Variants in SOX5 observed in about 807,000 individuals in gnomAD.
SOX5 encodes the protein SRY-box transcription factor 5.
In SOX5, 9 loss-of-function variants were observed where a neutral mutation model predicts 92.0. That is an observed-to-expected ratio of 0.10 (90% CI 0.06 to 0.17). SOX5 has a LOEUF of 0.17. SOX5 is among the 10% of genes least tolerant of loss of function. The probability of loss-of-function intolerance (pLI) is 1.00; values close to 1 mark genes in which losing one functional copy is unlikely to be tolerated. For missense variants in SOX5, 642 were observed against 944.5 expected (o/e 0.68, Z 4.20); for synonymous variants, 344 against 336.3 (o/e 1.02, Z -0.25).
Position 24,522,337 on chromosome 12 carries a change from A to G in SOX5, c.-251+39992T>C, listed in dbSNP as rs1950334362. On this transcript the variant is annotated intron_variant, in intron 1 of 4. Coordinates refer to the SOX5 transcript ENST00000446891. ...GGTTTCACTGGTGAATTTAAAGGAC[A>G]TTTAAAGAAAAATTAATGCCAAGCC... is the stretch of plus-strand genomic sequence containing the variant. Among the ~76,000 whole-genome samples the G allele has an allele frequency of 2.0e-5, 3 of 151,912 alleles. No homozygotes were observed. In the South Asian group the frequency reaches 6.2e-4, roughly 31 times the overall value.
At chr12:23,797,049 A>C (rs1391765155) in intron 3 of SOX5, among the ~76,000 whole-genome samples, 1 of 151,562 alleles carries the variant, frequency 6.6e-6, no homozygotes, top group African/African-American at 2.4e-5. Flanking sequence ...TCCATCTCCA[A>C]CGTAAAATCT....
intron 4 of SOX5, among the ~76,000 whole-genome samples, chr12:23,983,786 T>G (rs1949814792): frequency 1.3e-5 from 2 of 152,212 alleles, no homozygotes; most frequent in South Asian, 4.1e-4. Context: ...AATTGTGTCC[T>G]AATTTATTAT....
At chr12:24,422,789 T>C (rs371557803) in intron 1 of SOX5, among the ~76,000 whole-genome samples, 5 of 152,326 alleles carry the variant, frequency 3.3e-5, no homozygotes, top group South Asian at 2.1e-4. Flanking sequence ...GGAGGGAAGA[T>C]TGCTTGAGCT....
At chr12:23,719,996 C>T (rs1195439843) in intron 6 of SOX5, among the ~76,000 whole-genome samples, 1 of 151,918 alleles carries the variant, frequency 6.6e-6, no homozygotes, top group African/African-American at 2.4e-5. Flanking sequence ...GTTTAAGTAA[C>T]GATGTGTTGA....
At chr12:24,524,388 C>CT (rs1597590169) in intron 1 of SOX5, among the ~76,000 whole-genome samples, 6 of 95,646 alleles carry the variant, frequency 6.3e-5, no homozygotes, top group East Asian at 5.8e-4. Context: ...TCTATCTATC[C>CT]ATCCATCCAT....
chr12:24,227,543 C>CAT (rs1962340766), intron 3 of SOX5: 1 of 152,166 alleles, frequency 6.6e-6, no homozygotes, highest in Admixed American at 6.5e-5. Flanking sequence ...ACTGTTAATA[C>CAT]CAGGTTTTAA....
intron 1 of SOX5, among the ~76,000 whole-genome samples, chr12:24,469,355 G>A (rs73289645): frequency 0.039 from 6,003 of 152,238 alleles, 131 homozygotes; most frequent in Admixed American, 0.056. Flanking sequence ...GACCAGTACC[G>A]GGTGTTGGGG....
chr12:23,774,984 T>C (rs2095053021), intron 3 of SOX5, among the ~76,000 whole-genome samples: 1 of 152,200 alleles, frequency 6.6e-6, no homozygotes, highest in East Asian at 1.9e-4. Flanking sequence ...TTTGTATGTA[T>C]GCAAAATAGA....
At chr12:24,502,685 A>G (rs892526035) in intron 1 of SOX5, among the ~76,000 whole-genome samples, 5 of 152,216 alleles carry the variant, frequency 3.3e-5, no homozygotes, top group African/African-American at 1.2e-4. Flanking sequence ...ATAGTCTCAC[A>G]GTATTTACCC....
At chr12:24,005,853 G>C (rs766422444) in intron 4 of SOX5, among the ~76,000 whole-genome samples, 23 of 152,098 alleles carry the variant, frequency 1.5e-4, no homozygotes, top group Non-Finnish European at 2.8e-4. Context: ...ATGTGCATTT[G>C]TTCCACTAGC....
At chr12:24,400,174 G>A (rs1043996670) in intron 1 of SOX5, among the ~76,000 whole-genome samples, 2 of 152,150 alleles carry the variant, frequency 1.3e-5, no homozygotes, top group Admixed American at 6.5e-5. Flanking sequence ...GGAAAAATTG[G>A]TCTTAAATTT....
chr12:24,246,137 T>C (rs967350552), intron 3 of SOX5, among the ~76,000 whole-genome samples: 1 of 152,228 alleles, frequency 6.6e-6, no homozygotes, highest in Non-Finnish European at 1.5e-5. Context: ...ATTTTGGTTT[T>C]AGTCTTGTTG....
intron 1 of SOX5, among the ~76,000 whole-genome samples, chr12:24,450,027 G>A (rs1942040359): frequency 6.6e-6 from 1 of 152,114 alleles, no homozygotes; most frequent in African/African-American, 2.4e-5. Context: ...AAATGAGTAT[G>A]CGCAACCACA....
chr12:24,301,854 C>T (rs1947993498), intron 2 of SOX5, among the ~76,000 whole-genome samples: 1 of 152,134 alleles, frequency 6.6e-6, no homozygotes, highest in South Asian at 2.1e-4. Flanking sequence ...TTTTAACACA[C>T]TAAGAATATT....
chr12:23,747,635 G>A (rs771804848), intron 4 of SOX5, among the ~76,000 whole-genome samples: 22 of 152,010 alleles, frequency 1.4e-4, no homozygotes, highest in African/African-American at 5.3e-4. Flanking sequence ...TCTTCGCCCA[G>A]ACCCAGGTTT....
chr12:23,570,706 C>T (rs1356926468), intron 10 of SOX5, among the ~76,000 whole-genome samples: 3 of 151,060 alleles, frequency 2.0e-5, no homozygotes, highest in East Asian at 3.9e-4. Flanking sequence ...GTCAGGAGAT[C>T]GAGACCATCC....
intron 1 of SOX5, among the ~76,000 whole-genome samples, chr12:24,510,450 C>A (rs1311961667): frequency 1.3e-5 from 2 of 152,158 alleles, no homozygotes; most frequent in African/African-American, 4.8e-5. Context: ...GTTATGCCCC[C>A]AAATGCTGGT....
intron 1 of SOX5, among the ~76,000 whole-genome samples, chr12:24,381,095 G>T (rs936280241): frequency 1.3e-5 from 2 of 152,136 alleles, no homozygotes; most frequent in Admixed American, 1.3e-4. Flanking sequence ...CTAGTGTGAA[G>T]ACCTTATCTT....
chr12:23,775,243 GC>G (rs1567661492), intron 3 of SOX5, among the ~76,000 whole-genome samples: 2 of 152,162 alleles, frequency 1.3e-5, no homozygotes, highest in African/African-American at 4.8e-5. Flanking sequence ...TTTAAAATGC[GC>G]CTTGCATGGT....
Sources: allele counts gnomAD v4.1 joint callset (sites outside exome capture counted in the v4.1 genomes callset), GRCh38; gene constraint gnomAD v4.1.1; transcripts MANE v1.5; gene names NCBI Gene and HGNC (gene_info 2026-07-23, HGNC 2026-07-21).